Variants in TTC3 observed in about 807,000 individuals in gnomAD.
TTC3 encodes the protein E3 ubiquitin-protein ligase TTC3.
In TTC3, 180 loss-of-function variants were observed where a neutral mutation model predicts 249.6. That is an observed-to-expected ratio of 0.72 (90% CI 0.64 to 0.82). The LOEUF (loss-of-function observed/expected upper bound fraction) is 0.82. Among genes scored for constraint, TTC3 ranks in the 40% least tolerant of loss-of-function variants. The pLI is 0.00. For missense variants in TTC3, 2,061 were observed against 2,398.4 expected (o/e 0.86, Z 2.94); for synonymous variants, 717 against 805.0 (o/e 0.89, Z 1.85).
In TTC3 at chr21:37,088,328, A is replaced by G; in HGVS notation, c.320A>G (p.His107Arg). The G allele has an allele frequency of 1.9e-6, 3 of 1,612,614 alleles. No individual in the cohort carries two copies. In the South Asian group the frequency reaches 3.3e-5, roughly 18 times the overall value. Residue 107 changes from histidine (H) to arginine (R), a missense_variant, in exon 4 of 46, where the codon CAT (histidine) becomes CGT (arginine). Around this residue, in one of 3 missense-constraint regions of TTC3, gnomAD observed 989 missense variants for 1,145.1 expected, o/e 0.86. Transcript: ENST00000355666. ...AACAGTTCCGTAATATCACGATTGC[A>G]TCCCTGTGTGGACGCCAAGTAAGTT...
At position 37,195,824 on chromosome 21, in the gene TTC3, G is replaced by A. The variant is rs376041159; in HGVS notation, c.5367G>A (p.Ala1789=). Reference sequence around the variant, plus strand: ...ATTCCCCAGGGGAGGCTCCTTCTGCGCTGTTGCCAGGGCCACCCCCTGGTC... The same window carrying A: ...ATTCCCCAGGGGAGGCTCCTTCTGCACTGTTGCCAGGGCCACCCCCTGGTC... Residue 1789 remains alanine, a synonymous_variant, in exon 42 of 46, where the codon GCG becomes GCA. Coordinates refer to ENST00000355666, the Ensembl canonical transcript of TTC3. 33 of 1,614,212 alleles carry A rather than the reference G, an allele frequency of 2.0e-5. 1 individual carries two copies. The highest frequency in any genetic ancestry group is 1.1e-4 in the African/African-American group (8 of 75,054).
intron 10 of TTC3, among the ~76,000 whole-genome samples, chr21:37,105,742 A>G (rs1248626716): frequency 2.6e-5 from 4 of 152,202 alleles, no homozygotes; most frequent in Non-Finnish European, 4.4e-5. Context: ...ATGTAATGAA[A>G]TAATATACTA....
chr21:37,166,438 G>A (rs750843855), exon 33 of TTC3: 4 of 1,614,170 alleles, frequency 2.5e-6, no homozygotes, highest in Non-Finnish European at 3.4e-6. Flanking sequence ...AGATCCTTGA[G>A]GGCTCTTTGG....
intron 10 of TTC3, 152 bp from the exon 11 acceptor site, chr21:37,108,239 TA>T: frequency 1.7e-6 from 1 of 586,492 alleles, no homozygotes; most frequent in South Asian, 3.6e-5. Flanking sequence ...CCAAATTTCC[TA>T]TAATGGACAT....
intron 26 of TTC3, 106 bp downstream of exon 26, chr21:37,152,135 G>T (rs570265683): frequency 2.7e-5 from 33 of 1,240,830 alleles, no homozygotes; most frequent in South Asian, 2.0e-4. Flanking sequence ...TTGAAATAAA[G>T]ATTTCACTTA....
intron 17 of TTC3, among the ~76,000 whole-genome samples, chr21:37,134,143 T>C (rs138972502): frequency 6.6e-6 from 1 of 152,238 alleles, no homozygotes; most frequent in East Asian, 1.9e-4. Context: ...TGCCAAACTT[T>C]GATTCATTGG....
In TTC3 at chr21:37,094,055, GAACTTAA is replaced by G. The variant is rs2073641645; in HGVS notation, c.657_663del (p.Thr221ValfsTer6). 6.2e-7 allele frequency: 1 copy of G among 1,607,988 alleles called. No homozygotes were observed. The highest frequency in any genetic ancestry group is 8.5e-7 in the Non-Finnish European group (1 of 1,176,210). Reference sequence around the variant, plus strand: ...AATGGAAGACTGCAATTTGCTTGAAGAACTTAAAACTCAAAGTTGTATGGATTGTATA... The same window carrying G: ...AATGGAAGACTGCAATTTGCTTGAAGAACTCAAAGTTGTATGGATTGTATA... On this transcript the variant is annotated frameshift_variant, in exon 8 of 46. Transcript: ENST00000355666. LOFTEE classifies it high-confidence loss of function.
At chr21:37,200,845 C>G (rs1480120261) in intron 45 of TTC3, among the ~76,000 whole-genome samples, 1 of 152,158 alleles carries the variant, frequency 6.6e-6, no homozygotes, top group Non-Finnish European at 1.5e-5. Context: ...TAGAACAGAT[C>G]AGGTCTCTGC....
intron 12 of TTC3, 36 bp from the exon 13 acceptor site, chr21:37,122,945 TGA>T: frequency 1.3e-6 from 2 of 1,597,644 alleles, no homozygotes; most frequent in Non-Finnish European, 1.7e-6. Flanking sequence ...GCCAATCCAT[TGA>T]TTACTATGTG....
chr21:37,124,112 C>CTTTTT (rs60916518), intron 13 of TTC3, among the ~76,000 whole-genome samples: 8,288 of 61,144 alleles, frequency 0.14, 2,665 homozygotes, highest in Non-Finnish European at 0.15. Flanking sequence ...TTGAACTGTT[C>CTTTTT]TTTTTTTTTT....
At chr21:37,121,856 G>C in exon 12 of TTC3, 2 of 1,609,616 alleles carry the variant, frequency 1.2e-6, no homozygotes, top group Non-Finnish European at 1.7e-6. Flanking sequence ...TATGCTGGGG[G>C]AATATGACTG....
chr21:37,165,551 T>G lies in TTC3; in HGVS notation c.3337T>G (p.Tyr1113Asp). The G allele has an allele frequency of 6.3e-7, 1 of 1,581,704 alleles. No individual in the cohort carries two copies. The highest frequency in any genetic ancestry group is 8.6e-7 in the Non-Finnish European group (1 of 1,165,010). Reference sequence around the variant, plus strand: ...ATGTAAATGTAAATTTTTTCCAAGTTACTTCTCTCAGTTTTTGGAGGAACA... The same window carrying G: ...ATGTAAATGTAAATTTTTTCCAAGTGACTTCTCTCAGTTTTTGGAGGAACA... The change falls in exon 33 of 46, where the codon TAC (tyrosine) becomes GAC (aspartate). Residue 1113 changes from tyrosine to aspartate, a missense_variant and splice_region_variant. Around this residue, in one of 3 missense-constraint regions of TTC3, gnomAD observed 1,040 missense variants for 1,186.1 expected, o/e 0.88. Coordinates refer to ENST00000355666, the Ensembl canonical transcript of TTC3.
intron 39 of TTC3, among the ~76,000 whole-genome samples, chr21:37,190,130 CTTTTTTTTTT>C (rs138862573): frequency 1.1e-4 from 7 of 65,046 alleles, no homozygotes; most frequent in Admixed American, 7.2e-4. Context: ...CTTTTTCTTT[CTTTTTTTTTT>C]TTTTTTTTTT....
At chr21:37,177,314 A>G (rs898064360) in intron 35 of TTC3, among the ~76,000 whole-genome samples, 1 of 152,174 alleles carries the variant, frequency 6.6e-6, no homozygotes, top group Non-Finnish European at 1.5e-5. Flanking sequence ...CTCAGACCCC[A>G]CCGGCAAAAG....
At chr21:37,110,910 TAAAG>T (rs2075599049) in intron 11 of TTC3, among the ~76,000 whole-genome samples, 1 of 152,186 alleles carries the variant, frequency 6.6e-6, no homozygotes, top group Non-Finnish European at 1.5e-5. Context: ...TCAACATTCT[TAAAG>T]AAAAGAATTT....
In TTC3 at chr21:37,181,920, A is replaced by G. The variant is rs536758066; in HGVS notation, c.4618-854A>G. On this transcript the variant is annotated intron_variant, in intron 35 of 45. Transcript: ENST00000355666. Reference sequence around the variant, plus strand: ...TAAGCAGGAAGTTCAGGCTGTAGGGAACCTGATAGGAAGTAAAAAATTAAA... The same window carrying G: ...TAAGCAGGAAGTTCAGGCTGTAGGGGACCTGATAGGAAGTAAAAAATTAAA... Among the ~76,000 whole-genome samples, 5 of 152,082 alleles carry G rather than the reference A, an allele frequency of 3.3e-5. No individual in the cohort carries two copies. In the South Asian group the frequency reaches 1.0e-3, roughly 32 times the overall value.
chr21:37,156,659 A>G (rs780790726), exon 28 of TTC3: 5 of 1,609,852 alleles, frequency 3.1e-6, no homozygotes, highest in Non-Finnish European at 4.2e-6. Context: ...TTACAGGCTT[A>G]GATGCCACAG....
At chr21:37,134,481 A>G (rs1037903004) in intron 17 of TTC3, among the ~76,000 whole-genome samples, 1 of 150,238 alleles carries the variant, frequency 6.7e-6, no homozygotes, top group Non-Finnish European at 1.5e-5. Context: ...GCTTTTGTTA[A>G]TGGGTAACCA....
intron 11 of TTC3, among the ~76,000 whole-genome samples, chr21:37,120,411 GAGAA>G (rs1171976234): frequency 2.0e-5 from 3 of 152,166 alleles, no homozygotes; most frequent in Admixed American, 6.5e-5. Context: ...ATGGAGAAAA[GAGAA>G]AGAAATAAAG....
Sources: allele counts gnomAD v4.1 joint callset (sites outside exome capture counted in the v4.1 genomes callset), GRCh38; gene constraint gnomAD v4.1.1; regional missense constraint gnomAD v4.1.1; transcripts MANE v1.5; gene names NCBI Gene and HGNC (gene_info 2026-07-23, HGNC 2026-07-21).